NRG3: variants seen among roughly 807,000 people sequenced by gnomAD.
The protein encoded by NRG3 is neuregulin 3, also known as pro-neuregulin-3, membrane-bound isoform.
Under a neutral mutation model 66.9 loss-of-function variants are expected in NRG3, and 31 were observed. That is an observed-to-expected ratio of 0.46 (90% CI 0.35 to 0.63). NRG3 has a LOEUF of 0.63. Among genes scored for constraint, NRG3 ranks in the 20% least tolerant of loss-of-function variants. The pLI, the probability that NRG3 is intolerant of heterozygous loss-of-function variation, is 0.00. For missense variants in NRG3, 910 were observed against 878.9 expected, an observed-to-expected ratio of 1.04 and a Z score of -0.45; for synonymous variants, 393 against 359.4, an observed-to-expected ratio of 1.09 and a Z score of -1.06.
At chr10:82,475,531 G>C (rs887433191) in intron 2 of NRG3, among the ~76,000 whole-genome samples, 1 of 152,044 alleles carries the variant, frequency 6.6e-6, no homozygotes, top group Non-Finnish European at 1.5e-5. Context: ...AAGCCAAGAA[G>C]TAAACTTTTA....
intron 1 of NRG3, among the ~76,000 whole-genome samples, chr10:82,206,444 G>C (rs1589312145): frequency 1.3e-5 from 2 of 152,298 alleles, no homozygotes; most frequent in East Asian, 3.9e-4. Flanking sequence ...GGCTAGAGGT[G>C]AACAGTGGCA....
chr10:82,759,026 A>G (rs1040886378), intron 3 of NRG3, among the ~76,000 whole-genome samples: 21 of 152,032 alleles, frequency 1.4e-4, no homozygotes, highest in East Asian at 7.7e-4. Context: ...TTGATCCCCA[A>G]TGGGGCAGTG....
chr10:82,010,091 A>G (rs1298860850), intron 1 of NRG3, among the ~76,000 whole-genome samples: 2 of 152,220 alleles, frequency 1.3e-5, no homozygotes, highest in African/African-American at 4.8e-5. Flanking sequence ...ATAATTAAAA[A>G]TGAGGGCACT....
chr10:82,105,950 C>G (rs2132172826), intron 1 of NRG3, among the ~76,000 whole-genome samples: 1 of 152,294 alleles, frequency 6.6e-6, no homozygotes, highest in Non-Finnish European at 1.5e-5. Flanking sequence ...GTGATGGTGA[C>G]TGATTCCATG....
chr10:82,074,203 G>A (rs1473436435), intron 1 of NRG3, among the ~76,000 whole-genome samples: 2 of 152,126 alleles, frequency 1.3e-5, no homozygotes, highest in Admixed American at 6.5e-5. Flanking sequence ...CTGAATTTCT[G>A]GGGTGGGGTG....
chr10:82,165,660 A>G (rs1187398300), intron 1 of NRG3, among the ~76,000 whole-genome samples: 1 of 151,640 alleles, frequency 6.6e-6, no homozygotes, highest in Non-Finnish European at 1.5e-5. Flanking sequence ...TTTCTTTCAT[A>G]TTTGTTATTT....
intron 2 of NRG3, among the ~76,000 whole-genome samples, chr10:82,382,078 A>C: frequency 6.6e-6 from 1 of 152,214 alleles, no homozygotes; most frequent in South Asian, 2.1e-4. Context: ...TTGATAATTT[A>C]AAAATTTTTA....
At chr10:82,563,476 C>T (rs1282004667) in intron 2 of NRG3, among the ~76,000 whole-genome samples, 6 of 151,966 alleles carry the variant, frequency 3.9e-5, no homozygotes, top group Non-Finnish European at 7.4e-5. Context: ...GAGAGTCAGC[C>T]TGTTCCCTGA....
At chr10:82,881,557 T>C (rs1315485010) in intron 4 of NRG3, among the ~76,000 whole-genome samples, 1 of 152,182 alleles carries the variant, frequency 6.6e-6, no homozygotes, top group Non-Finnish European at 1.5e-5. Context: ...TGATTCTGCT[T>C]TTCTATTTCT....
At chr10:82,193,116 G>T (rs1249319542) in intron 1 of NRG3, among the ~76,000 whole-genome samples, 1 of 152,052 alleles carries the variant, frequency 6.6e-6, no homozygotes, top group Non-Finnish European at 1.5e-5. Flanking sequence ...GGAGAGTTTG[G>T]TGCACGACAG....
At position 82,192,671 on chromosome 10, in the gene NRG3, A is replaced by G. The variant is rs540868407; in HGVS notation, c.824-166068A>G. 3.9e-4 allele frequency among the ~76,000 whole-genome samples: 60 copies of G among 152,244 alleles called. No individual in the cohort carries two copies. In the Middle Eastern group the frequency reaches 0.01, roughly 26 times the overall value. On this transcript the variant is annotated intron_variant, in intron 1 of 8. Coordinates refer to ENST00000372141, the MANE Select transcript of NRG3 (RefSeq NM_001010848.4). ...TCTATCTAGATGAATGTATTAATTC[A>G]TTGATTTAATAAGCATTTATTGAGC... is the stretch of plus-strand genomic sequence containing the variant.
chr10:82,270,637 T>C (rs2078543382), intron 1 of NRG3, among the ~76,000 whole-genome samples: 1 of 152,118 alleles, frequency 6.6e-6, no homozygotes, highest in Non-Finnish European at 1.5e-5. Context: ...TCCTTTGCCC[T>C]TCCGAAGGTA....
intron 3 of NRG3, among the ~76,000 whole-genome samples, chr10:82,797,778 T>G (rs1333213): frequency 6.6e-6 from 1 of 151,834 alleles, no homozygotes; most frequent in Non-Finnish European, 1.5e-5. Context: ...TAGATCGGAG[T>G]TGTCTTCTAG....
chr10:82,170,654 G>GTATATATATATATATATATA (rs370773918), intron 1 of NRG3, among the ~76,000 whole-genome samples: 8 of 74,216 alleles, frequency 1.1e-4, no homozygotes, highest in African/African-American at 1.6e-4. Flanking sequence ...AAAACTTGTG[G>GTATATATATATATATATATA]TATATATATA....
chr10:82,552,823 A>T (rs1223102474), intron 2 of NRG3, among the ~76,000 whole-genome samples: 1 of 152,180 alleles, frequency 6.6e-6, no homozygotes, highest in Non-Finnish European at 1.5e-5. Context: ...TGATGGGTTC[A>T]AAAACATATA....
intron 3 of NRG3, among the ~76,000 whole-genome samples, chr10:82,783,652 G>A (rs1565311247): frequency 6.6e-6 from 1 of 152,104 alleles, no homozygotes; most frequent in Non-Finnish European, 1.5e-5. Context: ...ACTTACAAGG[G>A]ACGTGAAGGA....
chr10:82,576,926 G>T lies in NRG3; in HGVS notation c.954-161651G>T, dbSNP rs2046065237. ...TGCTCATCATCAGCTTCCTTCTAGT[G>T]ACACCTATATCTTCAATTGATTCTG... On this transcript the variant is annotated intron_variant, in intron 2 of 8. Transcript: ENST00000372141. 2.0e-5 allele frequency among the ~76,000 whole-genome samples: 3 copies of T among 151,766 alleles called. No individual in the cohort carries two copies. In the South Asian group the frequency reaches 6.2e-4, roughly 31 times the overall value.
At chr10:82,953,440 G>A (rs1210235595) in intron 5 of NRG3, among the ~76,000 whole-genome samples, 1 of 151,946 alleles carries the variant, frequency 6.6e-6, no homozygotes, top group Non-Finnish European at 1.5e-5. Context: ...TGCGCAGAGC[G>A]AGTTAGGAGT....
chr10:82,573,720 A>G (rs1392178915), intron 2 of NRG3, among the ~76,000 whole-genome samples: 1 of 151,742 alleles, frequency 6.6e-6, no homozygotes, highest in East Asian at 1.9e-4. Flanking sequence ...AAGATGTGCA[A>G]CACAAATCTG....
Sources: gnomAD v4.1 joint callset for allele counts (sites outside exome capture counted in the v4.1 genomes callset) on GRCh38, gnomAD v4.1.1 for gene constraint, MANE v1.5 for transcripts, NCBI Gene and HGNC (gene_info 2026-07-23, HGNC 2026-07-21) for gene names.